Variants in LIN28B observed in about 807,000 individuals in gnomAD.
LIN28B encodes the protein protein lin-28 homolog B.
A neutral mutation model predicts 21.9 loss-of-function variants in LIN28B; 5 were observed. That is an observed-to-expected ratio of 0.23 (90% CI 0.12 to 0.48). LIN28B has a LOEUF of 0.48. Among genes scored for constraint, LIN28B ranks in the 20% least tolerant of loss-of-function variants. LIN28B has a pLI of 0.98. For missense variants in LIN28B, 245 were observed against 310.5 expected, an observed-to-expected ratio of 0.79 and a Z score of 1.58; for synonymous variants, 109 against 111.3, an observed-to-expected ratio of 0.98 and a Z score of 0.13.
intron 2 of LIN28B, among the ~76,000 whole-genome samples, chr6:104,981,209 GT>G (rs1427238260): frequency 1.3e-5 from 2 of 151,710 alleles, no homozygotes; most frequent in Non-Finnish European, 2.9e-5. Flanking sequence ...CACCACTTGG[GT>G]TTTTTTTCCT....
chr6:105,046,138 G>C (rs552264441), intron 3 of LIN28B, among the ~76,000 whole-genome samples: 1 of 152,068 alleles, frequency 6.6e-6, no homozygotes, highest in Non-Finnish European at 1.5e-5. Context: ...TTTACATTAG[G>C]TATATCTCCT....
At chr6:105,001,326 T>C (rs990779951) in intron 2 of LIN28B, among the ~76,000 whole-genome samples, 1 of 152,190 alleles carries the variant, frequency 6.6e-6, no homozygotes, top group African/African-American at 2.4e-5. Flanking sequence ...TCACACTTTT[T>C]TATACTGAAG....
chr6:105,059,056 C>A (rs1255546207), intron 3 of LIN28B, among the ~76,000 whole-genome samples: 1 of 152,062 alleles, frequency 6.6e-6, no homozygotes, highest in East Asian at 1.9e-4. Flanking sequence ...AATTTTAGTT[C>A]CTTAATTCTT....
intron 3 of LIN28B, among the ~76,000 whole-genome samples, chr6:105,065,128 C>T (rs1299914965): frequency 6.6e-6 from 1 of 152,028 alleles, no homozygotes; most frequent in African/African-American, 2.4e-5. Flanking sequence ...GTCACAGCCT[C>T]GAAATGTTCA....
chr6:105,012,529 T>C (rs1432160388), intron 2 of LIN28B, among the ~76,000 whole-genome samples: 1 of 152,098 alleles, frequency 6.6e-6, no homozygotes, highest in African/African-American at 2.4e-5. Context: ...TCTGACCCTG[T>C]AGTATCATGC....
upstream of LIN28B, among the ~76,000 whole-genome samples, chr6:104,952,952 C>T (rs1480456124): frequency 1.3e-5 from 2 of 152,122 alleles, no homozygotes; most frequent in African/African-American, 2.4e-5. Context: ...AAAAGCAAAG[C>T]GACCCAACTA....
chr6:105,011,667 T>C (rs1413857236), intron 2 of LIN28B, among the ~76,000 whole-genome samples: 2 of 151,036 alleles, frequency 1.3e-5, no homozygotes, highest in African/African-American at 4.9e-5. Context: ...CTGGCCAATA[T>C]GGAGAAACTC....
intron 2 of LIN28B, among the ~76,000 whole-genome samples, chr6:105,000,667 TTAA>T: frequency 6.6e-6 from 1 of 151,494 alleles, no homozygotes; most frequent in Non-Finnish European, 1.5e-5. Flanking sequence ...GAATAAAAAT[TTAA>T]AATATTTATT....
rs71003465 is a variant in LIN28B, at chr6:104,990,569, ATT to A, written c.198+32295_198+32296del. ...ATTTTAGTCTTGTTTTTTATTTTTT[ATT>A]TTTTTTTTTTTATTGATCATTCTTG... On this transcript the variant is annotated intron_variant, in intron 2 of 3. Transcript: ENST00000345080. 8.1e-4 allele frequency among the ~76,000 whole-genome samples: 115 copies of A among 142,720 alleles called. No homozygotes were observed. The South Asian group carries it at 0.017, about 21-fold the overall frequency. The allele number at this position is 142,720 out of a possible 152,430, so 93.6% of individuals were successfully genotyped here.
At chr6:104,958,386 A>G in intron 2 of LIN28B, 100 bp downstream of exon 2, 4 of 960,154 alleles carry the variant, frequency 4.2e-6, no homozygotes, top group Non-Finnish European at 6.0e-6. Context: ...CCTTCGGTAT[A>G]TTGAAAGACA....
At chr6:105,066,096 C>T (rs1772213829) in intron 3 of LIN28B, among the ~76,000 whole-genome samples, 1 of 152,238 alleles carries the variant, frequency 6.6e-6, no homozygotes, top group East Asian at 1.9e-4. Flanking sequence ...TTGCTTGAGC[C>T]CAGGAGCTCT....
chr6:105,017,335 G>A (rs1285324910), intron 2 of LIN28B, among the ~76,000 whole-genome samples: 1 of 152,120 alleles, frequency 6.6e-6, no homozygotes, highest in African/African-American at 2.4e-5. Flanking sequence ...CACAGTACCT[G>A]TTACTGAATA....
intron 2 of LIN28B, among the ~76,000 whole-genome samples, chr6:104,978,331 T>C (rs1297031961): frequency 6.6e-6 from 1 of 152,214 alleles, no homozygotes; most frequent in Non-Finnish European, 1.5e-5. Flanking sequence ...TATTTTGAAG[T>C]GGCAGTCTCA....
intron 2 of LIN28B, among the ~76,000 whole-genome samples, chr6:104,999,889 A>C (rs1770685473): frequency 6.6e-6 from 1 of 152,122 alleles, no homozygotes; most frequent in Non-Finnish European, 1.5e-5. Flanking sequence ...CATGTTGGTC[A>C]AGCAGGTCTT....
chr6:105,014,734 T>C (rs1050669968), intron 2 of LIN28B, among the ~76,000 whole-genome samples: 2 of 152,150 alleles, frequency 1.3e-5, no homozygotes, highest in African/African-American at 2.4e-5. Flanking sequence ...ATTACAGATA[T>C]AAGCCACTGT....
In LIN28B at chr6:105,081,536, A is replaced by T. The variant is rs1405229685; in HGVS notation, c.*2753A>T. The T allele has an allele frequency of 6.6e-6, 1 of 152,546 alleles. No homozygotes were observed. Among genetic ancestry groups the T allele is most frequent in the Non-Finnish European group, 1.5e-5 (1 of 68,054 alleles). The allele number at this position is 152,546 out of a possible 1,614,324, so 9.4% of individuals were successfully genotyped here. ...ACAGAACCTTTTTATCTGTATTATA[A>T]ATAGCAATTCACAACTGCATGTTTC... On this transcript the variant is annotated 3_prime_UTR_variant, in exon 4 of 4. Coordinates refer to ENST00000345080, the MANE Select transcript of LIN28B (RefSeq NM_001004317.4).
At chr6:104,960,568 CAT>C (rs1353799054) in intron 2 of LIN28B, among the ~76,000 whole-genome samples, 1 of 151,456 alleles carries the variant, frequency 6.6e-6, no homozygotes, top group Non-Finnish European at 1.5e-5. Flanking sequence ...AAATATATGA[CAT>C]AGTTTTTTTT....
chr6:105,074,469 A>T (rs1772388088), intron 3 of LIN28B, among the ~76,000 whole-genome samples: 2 of 152,134 alleles, frequency 1.3e-5, no homozygotes, highest in South Asian at 4.1e-4. Context: ...AAGTGCTGGG[A>T]TTACAGGCGT....
rs897587212 is a variant in LIN28B at position 105,081,389 on chromosome 6, A to C, written c.*2606A>C. The C allele has an allele frequency of 6.6e-6, 1 of 152,628 alleles. No individual in the cohort carries two copies. The allele number at this position is 152,628 out of a possible 1,614,324, so 9.5% of individuals were successfully genotyped here. On this transcript the variant is annotated 3_prime_UTR_variant, in exon 4 of 4. Transcript: ENST00000345080. ...ATGTGAATATCACTGATGTGAACAC[A>C]TTGTTCATTTACATAGGTAAAATAT...
Sources: gnomAD v4.1 joint callset for allele counts (sites outside exome capture counted in the v4.1 genomes callset) on GRCh38, gnomAD v4.1.1 for gene constraint, MANE v1.5 for transcripts, NCBI Gene and HGNC (gene_info 2026-07-23, HGNC 2026-07-21) for gene names.